CHCHD3: variants seen among roughly 807,000 people sequenced by gnomAD.
The protein encoded by CHCHD3 is MICOS complex subunit MIC19.
Under a neutral mutation model 38.2 loss-of-function variants are expected in CHCHD3, and 20 were observed. The ratio of observed to expected loss-of-function variants is 0.52; its 90% CI spans 0.37 to 0.76. The LOEUF is 0.76. Ranked by LOEUF, CHCHD3 falls within the 30% of genes least tolerant of loss-of-function variation. The probability of loss-of-function intolerance (pLI) is 0.00; values close to 1 mark genes in which losing one functional copy is unlikely to be tolerated. For missense variants in CHCHD3, 245 were observed against 279.2 expected (o/e 0.88, Z 0.87); for synonymous variants, 82 against 100.0 (o/e 0.82, Z 1.07).
At chr7:132,938,580 A>ACCCTCAAAACTCAGGAGT (rs1554391462) in intron 4 of CHCHD3, among the ~76,000 whole-genome samples, 1 of 151,840 alleles carries the variant, frequency 6.6e-6, no homozygotes, top group Non-Finnish European at 1.5e-5. Flanking sequence ...AAAGTACATC[A>ACCCTCAAAACTCAGGAGT]CCCAGGTAAA....
chr7:132,997,460 G>C (rs944288616), intron 3 of CHCHD3, among the ~76,000 whole-genome samples: 1 of 151,944 alleles, frequency 6.6e-6, no homozygotes, highest in Non-Finnish European at 1.5e-5. Context: ...CCAAAAAAAA[G>C]TATGCTATCA....
intron 4 of CHCHD3, among the ~76,000 whole-genome samples, chr7:132,948,661 C>A (rs1187462454): frequency 1.3e-5 from 2 of 152,104 alleles, no homozygotes; most frequent in Non-Finnish European, 2.9e-5. Context: ...ACTGAACATA[C>A]TATATCAATG....
At chr7:133,027,450 G>C (rs577507744) in intron 2 of CHCHD3, among the ~76,000 whole-genome samples, 5 of 145,564 alleles carry the variant, frequency 3.4e-5, no homozygotes, top group Admixed American at 2.1e-4. Flanking sequence ...GGGAGGGAGG[G>C]GGGGAGAGGA....
At chr7:132,927,492 G>A (rs1217614665) in intron 4 of CHCHD3, among the ~76,000 whole-genome samples, 4 of 152,200 alleles carry the variant, frequency 2.6e-5, no homozygotes, top group Non-Finnish European at 4.4e-5. Context: ...TTTCAACACT[G>A]TATCTCGCCC....
chr7:132,981,886 A>AAT (rs749030191), intron 3 of CHCHD3, among the ~76,000 whole-genome samples: 3 of 152,372 alleles, frequency 2.0e-5, no homozygotes, highest in Admixed American at 2.0e-4. Context: ...ATACATAGGC[A>AAT]ATATATACAA....
intron 4 of CHCHD3, among the ~76,000 whole-genome samples, chr7:132,897,814 T>A (rs551440623): frequency 2.0e-5 from 3 of 152,226 alleles, no homozygotes; most frequent in Non-Finnish European, 4.4e-5. Flanking sequence ...GGAATGCAGA[T>A]GCTAATGTGT....
chr7:133,049,448 A>C (rs1349567834), intron 2 of CHCHD3, among the ~76,000 whole-genome samples: 1 of 152,220 alleles, frequency 6.6e-6, no homozygotes, highest in Non-Finnish European at 1.5e-5. Context: ...AAACTTAATA[A>C]ATCCAAGGTA....
At chr7:132,982,528 A>G (rs1811945614) in intron 3 of CHCHD3, among the ~76,000 whole-genome samples, 1 of 152,170 alleles carries the variant, frequency 6.6e-6, no homozygotes, top group South Asian at 2.1e-4. Flanking sequence ...CAGGTGATCC[A>G]CCCACCTCAG....
At chr7:132,838,909 A>T (rs1807865977) in intron 5 of CHCHD3, among the ~76,000 whole-genome samples, 1 of 152,114 alleles carries the variant, frequency 6.6e-6, no homozygotes, top group South Asian at 2.1e-4. Flanking sequence ...TATTTTTGTC[A>T]TCAAGATGGT....
At chr7:132,924,729 C>A (rs1810336447) in intron 4 of CHCHD3, among the ~76,000 whole-genome samples, 1 of 152,128 alleles carries the variant, frequency 6.6e-6, no homozygotes, top group Non-Finnish European at 1.5e-5. Flanking sequence ...TATTTCAACA[C>A]AAATATATTC....
chr7:132,977,837 T>C (rs777262934), intron 3 of CHCHD3, among the ~76,000 whole-genome samples: 1 of 152,176 alleles, frequency 6.6e-6, no homozygotes, highest in African/African-American at 2.4e-5. Flanking sequence ...TATGGAGTTC[T>C]ACATGGTTCA....
intron 3 of CHCHD3, among the ~76,000 whole-genome samples, chr7:133,011,021 T>A (rs1812855694): frequency 6.6e-6 from 1 of 152,150 alleles, no homozygotes; most frequent in Non-Finnish European, 1.5e-5. Flanking sequence ...AAATCCTCTC[T>A]GTAGGGTTAT....
Position 133,035,399 on chromosome 7 carries a change from C to A in CHCHD3, c.170-10772G>T. On this transcript the variant is annotated intron_variant, in intron 2 of 7. Coordinates refer to ENST00000262570, the MANE Select transcript of CHCHD3 (RefSeq NM_017812.4). The surrounding 1 kb of genome is among the most constrained non-coding windows in gnomAD (Gnocchi z 4.7). ...CCCGGCGGAAAGAAGGCTCTAGAAC[C>A]TGCTTATAGAGCCACAACAGGGTGC... is the stretch of plus-strand genomic sequence containing the variant. The A allele has an allele frequency of 1.9e-6, 3 of 1,613,424 alleles. No individual in the cohort carries two copies. The highest frequency in any genetic ancestry group is 2.2e-5 in the East Asian group (1 of 44,892).
chr7:132,850,478 T>C (rs1043345934), intron 5 of CHCHD3, among the ~76,000 whole-genome samples: 2 of 151,056 alleles, frequency 1.3e-5, no homozygotes, highest in Non-Finnish European at 2.9e-5. Context: ...GATTTGGTTT[T>C]CTAATTAGAA....
intron 5 of CHCHD3, among the ~76,000 whole-genome samples, chr7:132,877,669 T>C (rs544544155): frequency 6.6e-6 from 1 of 152,232 alleles, no homozygotes; most frequent in Admixed American, 6.5e-5. Context: ...ACATTACAAT[T>C]AAAAGTGGTG....
chr7:132,963,765 C>T (rs1282772791), intron 4 of CHCHD3, among the ~76,000 whole-genome samples: 2 of 151,602 alleles, frequency 1.3e-5, no homozygotes, highest in Non-Finnish European at 2.9e-5. Flanking sequence ...AGTAGACATA[C>T]AGTAAAATCA....
At chr7:133,063,743 G>A (rs1814589043) in intron 2 of CHCHD3, among the ~76,000 whole-genome samples, 1 of 152,148 alleles carries the variant, frequency 6.6e-6, no homozygotes, top group South Asian at 2.1e-4. Flanking sequence ...CACAACTAAT[G>A]TAACTTTCCA....
At chr7:132,882,454 A>C (rs1809085779) in intron 5 of CHCHD3, among the ~76,000 whole-genome samples, 1 of 131,168 alleles carries the variant, frequency 7.6e-6, no homozygotes, top group African/African-American at 2.9e-5. Context: ...AAGGAAAACA[A>C]TATATTCTAT....
chr7:133,002,306 G>C (rs1389453864), intron 3 of CHCHD3, among the ~76,000 whole-genome samples: 1 of 152,024 alleles, frequency 6.6e-6, no homozygotes, highest in Non-Finnish European at 1.5e-5. Flanking sequence ...TTATTAACTT[G>C]GCTTCCTAAC....
Sources: gnomAD v4.1 joint callset for allele counts (sites outside exome capture counted in the v4.1 genomes callset) on GRCh38, gnomAD v4.1.1 for gene constraint, Gnocchi (gnomAD v3.1) non-coding constraint, MANE v1.5 for transcripts, NCBI Gene and HGNC (gene_info 2026-07-23, HGNC 2026-07-21) for gene names.